Variants in MGRN1 observed in about 807,000 individuals in gnomAD.
The protein encoded by MGRN1 is mahogunin ring finger 1.
A neutral mutation model predicts 69.2 loss-of-function variants in MGRN1; 29 were observed. The ratio of observed to expected loss-of-function variants is 0.42; its 90% CI spans 0.31 to 0.57. The LOEUF is 0.57. Among genes scored for constraint, MGRN1 ranks in the 20% least tolerant of loss-of-function variants. The probability of loss-of-function intolerance (pLI) is 0.15; values close to 1 mark genes in which losing one functional copy is unlikely to be tolerated. For missense variants in MGRN1, 998 were observed against 796.2 expected (o/e 1.25, Z -3.05); for synonymous variants, 470 against 344.2 (o/e 1.37, Z -4.04).
Position 4,650,477 on chromosome 16 carries a change from G to T in MGRN1, c.201G>T (p.Pro67=), listed in dbSNP as rs368164423. The T allele has an allele frequency of 2.5e-6, 4 of 1,611,740 alleles. No homozygotes were observed. The highest frequency in any genetic ancestry group is 2.7e-5 in the African/African-American group (2 of 74,810). The change falls in exon 2 of 17, where the codon CCG becomes CCT. Residue 67 remains proline, a synonymous_variant. Transcript: ENST00000262370. ...ATCTGAACTTCCTGGGCAGCCGCCC[G>T]GTCCAGGTGGGTCTGGACAGGGCTG... ...NMDLNFLGSR[P]VQFPYVTPAP...
chr16:4,650,619 G>A, intron 2 of MGRN1, 136 bp downstream of exon 2: 3 of 693,558 alleles, frequency 4.3e-6, no homozygotes, highest in Non-Finnish European at 7.1e-6. Context: ...CAGGATTCCA[G>A]TTGAGCTTGG....
chr16:4,656,644 G>C (rs533741279), intron 4 of MGRN1, among the ~76,000 whole-genome samples: 1 of 152,322 alleles, frequency 6.6e-6, no homozygotes, highest in Non-Finnish European at 1.5e-5. Flanking sequence ...ACTTTGGGAG[G>C]CTGAGGCAGG....
chr16:4,645,114 CGTGTGCATATAT>C (rs747136901), intron 1 of MGRN1, among the ~76,000 whole-genome samples: 3 of 125,470 alleles, frequency 2.4e-5, no homozygotes, highest in Non-Finnish European at 3.1e-5. Flanking sequence ...TGTATATATG[CGTGTGCATATAT>C]ATATAGAGTG....
At chr16:4,645,622 A>C (rs748225154) in intron 1 of MGRN1, among the ~76,000 whole-genome samples, 4 of 152,150 alleles carry the variant, frequency 2.6e-5, no homozygotes, top group Non-Finnish European at 4.4e-5. Context: ...AGGCTTGGCA[A>C]GTTGTAAAAG....
chr16:4,664,650 T>A (rs1344166730), intron 5 of MGRN1, 59 bp from the exon 6 acceptor site: 1 of 1,575,836 alleles, frequency 6.3e-7, no homozygotes, highest in Non-Finnish European at 8.7e-7. Flanking sequence ...GTTGACCGAC[T>A]CCAGGCTTCC....
At chr16:4,647,006 C>T (rs2078288727) in intron 1 of MGRN1, among the ~76,000 whole-genome samples, 1 of 152,216 alleles carries the variant, frequency 6.6e-6, no homozygotes, top group Non-Finnish European at 1.5e-5. Flanking sequence ...TACGTCAGCG[C>T]TGGGGAGAGC....
intron 10 of MGRN1, among the ~76,000 whole-genome samples, chr16:4,674,806 A>G (rs2079020952): frequency 7.2e-6 from 1 of 139,836 alleles, no homozygotes; most frequent in Non-Finnish European, 1.5e-5. Context: ...GCGCCCGGCT[A>G]ATTTTTTGTA....
At chr16:4,634,830 G>C (rs551805319) in intron 1 of MGRN1, 70 of 152,416 alleles carry the variant, frequency 4.6e-4, no homozygotes, top group Admixed American at 4.3e-3. Context: ...CGGGGGACTT[G>C]GGTCCTCTCA....
intron 12 of MGRN1, chr16:4,680,719 A>T (rs2079163721): frequency 1.3e-5 from 2 of 152,616 alleles, no homozygotes; most frequent in Non-Finnish European, 2.9e-5. Flanking sequence ...ACTTGGAGGC[A>T]GGTATGGGAG....
chr16:4,689,678 G>C lies in MGRN1; in HGVS notation c.*770G>C, dbSNP rs935969376. 1.1e-4 allele frequency: 16 copies of C among 152,308 alleles called. No homozygotes were observed. Among genetic ancestry groups the C allele is most frequent in the African/African-American group, 3.8e-4 (16 of 41,562 alleles). 9.4% of individuals were successfully genotyped at this position (152,308 alleles called of 1,614,324 possible). On this transcript the variant is annotated 3_prime_UTR_variant, in exon 17 of 17. Transcript: ENST00000262370. ...TCACAAGGCCCCTCCAGGTGCAGGG[G>C]CTTCTGTTTGGCAGGCCCCTGCCAG...
rs1232438226 is a variant in MGRN1, at chr16:4,688,928, G to A, written c.*20G>A. The A allele has an allele frequency of 6.5e-7, 1 of 1,530,432 alleles. No individual in the cohort carries two copies. Among genetic ancestry groups the A allele is most frequent in the Admixed American group, 2.0e-5 (1 of 50,238 alleles). 94.8% of individuals were successfully genotyped at this position (1,530,432 alleles called of 1,614,324 possible). A position where few individuals can be genotyped will look rare whatever the true frequency, so the allele number is the denominator to read the frequency against. ...CTCTGAGAGCCTGGCCGAGCTGGCA[G>A]CATGGAGCCCTCGGCTCCCCAGACT... On this transcript the variant is annotated 3_prime_UTR_variant, in exon 17 of 17. Transcript: ENST00000262370.
intron 13 of MGRN1, among the ~76,000 whole-genome samples, chr16:4,682,592 G>T (rs1283181701): frequency 6.6e-6 from 1 of 152,178 alleles, no homozygotes; most frequent in Non-Finnish European, 1.5e-5. Flanking sequence ...GGCTAGGCCC[G>T]TGCCAGTGTG....
At chr16:4,643,473 A>G (rs2078206884) in intron 1 of MGRN1, among the ~76,000 whole-genome samples, 1 of 144,952 alleles carries the variant, frequency 6.9e-6, no homozygotes, top group Non-Finnish European at 1.5e-5. Context: ...GGGTTCAAGG[A>G]ATTCTCCTGC....
intron 11 of MGRN1, among the ~76,000 whole-genome samples, chr16:4,679,762 C>A (rs950914166): frequency 6.6e-6 from 1 of 152,238 alleles, no homozygotes; most frequent in African/African-American, 2.4e-5. Flanking sequence ...GTGACCCAGA[C>A]TGCGGGGGGA....
intron 1 of MGRN1, among the ~76,000 whole-genome samples, chr16:4,639,591 G>A (rs1415030311): frequency 1.3e-5 from 2 of 152,218 alleles, no homozygotes; most frequent in African/African-American, 4.8e-5. Flanking sequence ...CCTGTCCCCA[G>A]ATGCACAGCG....
chr16:4,624,917 TC>T lies in MGRN1; in HGVS notation c.-41del. 2 of 1,480,144 alleles carry T rather than the reference TC, an allele frequency of 1.4e-6. No homozygotes were observed. Among genetic ancestry groups the T allele is most frequent in the South Asian group, 2.5e-5 (2 of 78,892 alleles). 91.7% of individuals were successfully genotyped at this position (1,480,144 alleles called of 1,614,324 possible). Reference sequence around the variant, plus strand: ...GTGAGGACCCCGCCGCTGTCGCCGCTCCCGTTCCGGCCCTGGCCCCTCTGCC... The same window carrying T: ...GTGAGGACCCCGCCGCTGTCGCCGCTCCGTTCCGGCCCTGGCCCCTCTGCC... On this transcript the variant is annotated 5_prime_UTR_variant, in exon 1 of 17. Transcript: ENST00000262370.
intron 1 of MGRN1, among the ~76,000 whole-genome samples, chr16:4,644,527 C>G (rs892511785): frequency 2.0e-5 from 3 of 152,070 alleles, no homozygotes; most frequent in Admixed American, 1.3e-4. Context: ...TCAGGCTGGT[C>G]TCCAACTCCT....
chr16:4,651,200 TC>T (rs1379629240), intron 2 of MGRN1: 1 of 152,184 alleles, frequency 6.6e-6, no homozygotes, highest in East Asian at 1.9e-4. Flanking sequence ...GCTAACATCT[TC>T]CCCTCGTTGC....
chr16:4,672,324 G>C (rs1349033531), intron 9 of MGRN1: 2 of 456,516 alleles, frequency 4.4e-6, no homozygotes, highest in Non-Finnish European at 8.8e-6. Context: ...TGGGATTTCA[G>C]GCCTGAGACC....
Sources: allele counts gnomAD v4.1 joint callset (sites outside exome capture counted in the v4.1 genomes callset), GRCh38; gene constraint gnomAD v4.1.1; transcripts MANE v1.5; gene names NCBI Gene and HGNC (gene_info 2026-07-23, HGNC 2026-07-21).